The following PSPH variants were observed in gnomAD, a reference collection of about 807,000 sequenced individuals.
PSPH encodes L-3-phosphoserine phosphatase.
PSPH carries 16 observed loss-of-function variants against 23.4 expected under a neutral mutation model. The observed-to-expected ratio is 0.68, with a 90% CI of 0.46 to 1.04. PSPH has a LOEUF of 1.04. Among genes scored for constraint, PSPH ranks in the 50% least tolerant of loss-of-function variants. The pLI is 0.00. For missense variants in PSPH, 223 were observed against 273.7 expected (o/e 0.81, Z 1.31); for synonymous variants, 68 against 99.7 (o/e 0.68, Z 1.89).
At chr7:56,026,382 G>A (rs760731014) in intron 3 of PSPH, among the ~76,000 whole-genome samples, 3 of 150,512 alleles carry the variant, frequency 2.0e-5, no homozygotes, top group Non-Finnish European at 2.9e-5. Flanking sequence ...ACGGAGAGGC[G>A]GGAGAACCGC....
chr7:56,017,378 C>T lies in PSPH; in HGVS notation c.277G>A (p.Glu93Lys). Residue 93 changes from glutamate (E) to lysine (K), a missense_variant and splice_region_variant, in exon 6 of 8, where the codon GAG (glutamate) becomes AAG (lysine). By Grantham distance (56) the Glu-to-Lys change is moderately conservative. Coordinates refer to ENST00000275605, the MANE Select transcript of PSPH (RefSeq NM_004577.4). Reference sequence around the variant, plus strand: ...CGCTCCTGTAGGCGACTTACCAGCTCCCTGCAAAATAAAATACAAAATACC... The same window carrying T: ...CGCTCCTGTAGGCGACTTACCAGCTTCCTGCAAAATAAAATACAAAATACC... ...QPPHLTPGIR[E>K]LVSRLQERNV... 6.2e-7 allele frequency: 1 copy of T among 1,611,504 alleles called. No homozygotes were observed. Among genetic ancestry groups the T allele is most frequent in the African/African-American group, 1.3e-5 (1 of 74,560 alleles).
At chr7:56,020,907 C>G (rs1445670784) in intron 4 of PSPH, among the ~76,000 whole-genome samples, 166 bp downstream of exon 4, 4 of 152,174 alleles carry the variant, frequency 2.6e-5, no homozygotes, top group Admixed American at 2.6e-4. Flanking sequence ...TGTTTGTTTG[C>G]CATAAATATT....
At chr7:56,020,856 G>A (rs946801222) in intron 4 of PSPH, among the ~76,000 whole-genome samples, 1 of 152,140 alleles carries the variant, frequency 6.6e-6, no homozygotes, top group Non-Finnish European at 1.5e-5. Context: ...AGTTAGTGAC[G>A]GTTGTCATTC....
At chr7:56,035,070 G>A (rs899968399) in intron 1 of PSPH, among the ~76,000 whole-genome samples, 18 of 152,088 alleles carry the variant, frequency 1.2e-4, no homozygotes, top group African/African-American at 4.1e-4. Flanking sequence ...GCCAGGCGCG[G>A]TGGCTCAAGC....
At chr7:56,013,297 T>A (rs1310417910) in intron 7 of PSPH, among the ~76,000 whole-genome samples, 4 of 151,636 alleles carry the variant, frequency 2.6e-5, no homozygotes, top group Non-Finnish European at 5.9e-5. Flanking sequence ...GGCAGGAAGA[T>A]CACTTAAGCC....
At chr7:56,018,979 A>T (rs1378564479) in intron 5 of PSPH, among the ~76,000 whole-genome samples, 3 of 148,812 alleles carry the variant, frequency 2.0e-5, no homozygotes, top group Admixed American at 6.7e-5. Context: ...CTCAAAAAAA[A>T]TTTTTTTTTA....
At chr7:56,037,812 A>G (rs1431483808) in intron 1 of PSPH, among the ~76,000 whole-genome samples, 2 of 147,328 alleles carry the variant, frequency 1.4e-5, no homozygotes, top group Non-Finnish European at 3.0e-5. Context: ...TCCTGGGTTC[A>G]AGTGATTCTC....
chr7:56,038,721 C>A (rs1210556696), intron 1 of PSPH, among the ~76,000 whole-genome samples: 8 of 151,818 alleles, frequency 5.3e-5, no homozygotes, highest in African/African-American at 1.9e-4. Flanking sequence ...AGGCACACAC[C>A]TCGAATCCCA....
chr7:56,025,283 T>A (rs185156189), intron 3 of PSPH, among the ~76,000 whole-genome samples: 1 of 151,446 alleles, frequency 6.6e-6, no homozygotes, highest in African/African-American at 2.4e-5. Flanking sequence ...ACACACACAT[T>A]TTTTTTTATT....
chr7:56,026,874 A>G (rs1790258059), intron 3 of PSPH, among the ~76,000 whole-genome samples: 1 of 152,040 alleles, frequency 6.6e-6, no homozygotes, highest in Non-Finnish European at 1.5e-5. Context: ...AGGAGCTAAA[A>G]TGAGGTAAGT....
intron 1 of PSPH, among the ~76,000 whole-genome samples, chr7:56,034,342 G>A (rs114747618): frequency 2.1e-3 from 323 of 152,254 alleles, no homozygotes; most frequent in African/African-American, 7.4e-3. Context: ...ACCTTCAGAA[G>A]CTGCTCCGCG....
At chr7:56,024,819 T>A (rs557043764) in intron 3 of PSPH, among the ~76,000 whole-genome samples, 1 of 151,016 alleles carries the variant, frequency 6.6e-6, no homozygotes, top group East Asian at 2.0e-4. Flanking sequence ...TTTTTTTTTT[T>A]TTGAGAAGGA....
intron 1 of PSPH, among the ~76,000 whole-genome samples, chr7:56,041,209 CTTTTTTTTTT>C (rs1163943212): frequency 4.2e-4 from 55 of 130,406 alleles, no homozygotes; most frequent in African/African-American, 1.5e-3. Context: ...CTCTCTCTCT[CTTTTTTTTTT>C]TTTTTTTTTT....
At chr7:56,043,491 AAAAT>A (rs535108883) in intron 1 of PSPH, among the ~76,000 whole-genome samples, 12 of 151,704 alleles carry the variant, frequency 7.9e-5, no homozygotes, top group South Asian at 4.2e-4. Flanking sequence ...CATATCTCTA[AAAAT>A]AAATAAATAA....
chr7:56,042,209 A>G (rs1384128083), intron 1 of PSPH, among the ~76,000 whole-genome samples: 2 of 144,674 alleles, frequency 1.4e-5, no homozygotes, highest in Non-Finnish European at 3.0e-5. Flanking sequence ...ACAGAGCGAG[A>G]TTCTGTCTCA....
chr7:56,050,462 C>T (rs1793865918), intron 1 of PSPH, among the ~76,000 whole-genome samples: 1 of 152,116 alleles, frequency 6.6e-6, no homozygotes. Context: ...GATGGAGTCT[C>T]GCTATGTTAC....
rs762540857 is a variant in PSPH at position 56,011,726 on chromosome 7, C to A, written c.*36G>T. The A allele has an allele frequency of 8.6e-6, 13 of 1,514,144 alleles. No homozygotes were observed. In the East Asian group the frequency reaches 2.5e-4, roughly 29 times the overall value. The allele number at this position is 1,514,144 out of a possible 1,614,324, so 93.8% of individuals were successfully genotyped here. A position where few individuals can be genotyped will look rare whatever the true frequency, so the allele number is the denominator to read the frequency against. On this transcript the variant is annotated 3_prime_UTR_variant, in exon 8 of 8. Transcript: ENST00000275605. ...TCAATCTGTATAACTTGTAAAAATT[C>A]ATCTGAAGTTGTTTGGAGCTGTACG...
intron 1 of PSPH, among the ~76,000 whole-genome samples, chr7:56,048,470 A>C (rs1309099339): frequency 6.6e-6 from 1 of 152,110 alleles, no homozygotes; most frequent in Admixed American, 6.6e-5. Context: ...GATAAATAGA[A>C]TCCTGGGCCA....
intron 5 of PSPH, 125 bp from the exon 6 acceptor site, chr7:56,017,504 T>A (rs1186564240): frequency 2.6e-6 from 4 of 1,516,156 alleles, no homozygotes; most frequent in Non-Finnish European, 3.5e-6. Flanking sequence ...TGAGGTATGT[T>A]TGACAAGGTA....
Sources: allele counts gnomAD v4.1 joint callset (sites outside exome capture counted in the v4.1 genomes callset), GRCh38; gene constraint gnomAD v4.1.1; transcripts MANE v1.5; gene names NCBI Gene and HGNC (gene_info 2026-07-23, HGNC 2026-07-21).